The following ARPP19 variants were observed in gnomAD, a reference collection of about 807,000 sequenced individuals.
The protein encoded by ARPP19 is cAMP-regulated phosphoprotein 19.
In ARPP19, 8 loss-of-function variants were observed where a neutral mutation model predicts 12.0. The observed-to-expected ratio is 0.67, with a 90% CI of 0.39 to 1.21. The LOEUF (loss-of-function observed/expected upper bound fraction) is 1.21. Ranked by LOEUF, ARPP19 falls within the 50% of genes most tolerant of loss-of-function variation. The pLI is 0.01. For synonymous variants in ARPP19, 47 were observed against 50.4 expected, an observed-to-expected ratio of 0.93 and a Z score of 0.29; for missense variants, 102 against 136.3, an observed-to-expected ratio of 0.75 and a Z score of 1.25.
rs2078116233 is a variant in ARPP19 at position 52,569,006 on chromosome 15, G to A, written c.-114C>T. The stretch of plus-strand genomic sequence containing the variant: ...AGGGCCCGCCGGGCCGCCTCCGCCC[G>A]CGAAAATGGCCGCCGCCTTATGACG... On this transcript the variant is annotated 5_prime_UTR_variant, in exon 1 of 3. Transcript: ENST00000249822. The A allele has an allele frequency of 1.4e-6, 1 of 722,960 alleles. No homozygotes were observed. 44.8% of individuals were successfully genotyped at this position (722,960 alleles called of 1,614,324 possible).
chr15:52,563,664 A>C (rs1014921358), intron 1 of ARPP19, among the ~76,000 whole-genome samples: 7 of 152,224 alleles, frequency 4.6e-5, no homozygotes, highest in African/African-American at 1.7e-4. Context: ...GACTGATACC[A>C]CTTTTCAGCC....
At chr15:52,557,579 T>C (rs1034788955) in intron 1 of ARPP19, 1 of 161,966 alleles carries the variant, frequency 6.2e-6, no homozygotes, top group South Asian at 1.8e-4. Flanking sequence ...TAGAGAATCA[T>C]CCTAATACTG....
intron 2 of ARPP19, among the ~76,000 whole-genome samples, chr15:52,553,602 G>T (rs1280301353): frequency 6.6e-6 from 1 of 152,208 alleles, no homozygotes; most frequent in African/African-American, 2.4e-5. Context: ...AGCACACACA[G>T]TGCTATATGG....
rs1249569998 is a variant in ARPP19 at position 52,547,048 on chromosome 15, C to A, written c.*4886G>T. The A allele has an allele frequency of 1.4e-5, 2 of 143,968 alleles. No homozygotes were observed. The highest frequency in any genetic ancestry group is 7.1e-5 in the Admixed American group (1 of 14,008). The allele number at this position is 143,968 out of a possible 1,614,324, so 8.9% of individuals were successfully genotyped here. On this transcript the variant is annotated 3_prime_UTR_variant, in exon 3 of 3. Coordinates refer to ENST00000249822, the MANE Select transcript of ARPP19 (RefSeq NM_006628.6). ...TCACAAATAAGATGAAAAAGACTCA[C>A]AATCTGCAAACATTTAATCCTACCT... is the stretch of plus-strand genomic sequence containing the variant.
intron 1 of ARPP19, among the ~76,000 whole-genome samples, chr15:52,566,057 T>C (rs2078079004): frequency 6.6e-6 from 1 of 152,186 alleles, no homozygotes; most frequent in Non-Finnish European, 1.5e-5. Context: ...GGTTTCCCCA[T>C]ATTGGCCAGG....
At chr15:52,565,376 T>C (rs1338870783) in intron 1 of ARPP19, among the ~76,000 whole-genome samples, 1 of 152,202 alleles carries the variant, frequency 6.6e-6, no homozygotes, top group South Asian at 2.1e-4. Flanking sequence ...CCAGGACTAG[T>C]ACACATGCCT....
In ARPP19 at chr15:52,547,248, G is replaced by A. The variant is rs1282975028; in HGVS notation, c.*4686C>T. ...TGCAAATTAAATCAATAGAAATTAG[G>A]TAGATCCATTTATTTTTTAAATACA... On this transcript the variant is annotated 3_prime_UTR_variant, in exon 3 of 3. Transcript: ENST00000249822. 1 of 152,052 alleles carries A rather than the reference G, an allele frequency of 6.6e-6. No homozygotes were observed. Among genetic ancestry groups the A allele is most frequent in the Admixed American group, 6.5e-5 (1 of 15,272 alleles). The allele number at this position is 152,052 out of a possible 1,614,324, so 9.4% of individuals were successfully genotyped here.
At chr15:52,552,314 A>T (rs187275638) in intron 2 of ARPP19, among the ~76,000 whole-genome samples, 39 of 152,300 alleles carry the variant, frequency 2.6e-4, no homozygotes, top group African/African-American at 8.9e-4. Context: ...TCACTCTTGA[A>T]ATCCCAACAC....
At chr15:52,557,718 GTT>G (rs1176865985) in intron 1 of ARPP19, 2 of 151,512 alleles carry the variant, frequency 1.3e-5, no homozygotes, top group African/African-American at 2.4e-5. Flanking sequence ...CCTGATATTT[GTT>G]TTTTTATAAT....
intron 1 of ARPP19, among the ~76,000 whole-genome samples, chr15:52,567,686 A>G (rs1432130410): frequency 6.6e-6 from 1 of 152,132 alleles, no homozygotes; most frequent in Non-Finnish European, 1.5e-5. Flanking sequence ...GGTAACTTGG[A>G]CTTTTACCTA....
At chr15:52,562,999 C>A (rs1158879911) in intron 1 of ARPP19, among the ~76,000 whole-genome samples, 1 of 151,538 alleles carries the variant, frequency 6.6e-6, no homozygotes, top group African/African-American at 2.4e-5. Context: ...CCTCAGCCTC[C>A]CGAGTAGCTG....
intron 1 of ARPP19, among the ~76,000 whole-genome samples, chr15:52,558,056 C>G (rs1175530869): frequency 6.6e-6 from 1 of 152,194 alleles, no homozygotes; most frequent in African/African-American, 2.4e-5. Flanking sequence ...CATCTATTCA[C>G]TTTGAACAAC....
chr15:52,567,286 C>A (rs1277359764), intron 1 of ARPP19, among the ~76,000 whole-genome samples: 1 of 152,152 alleles, frequency 6.6e-6, no homozygotes, highest in East Asian at 1.9e-4. Context: ...TAAGAGAAAA[C>A]GTTCAAGCTA....
intron 1 of ARPP19, among the ~76,000 whole-genome samples, chr15:52,562,712 A>G (rs1257639625): frequency 1.3e-5 from 2 of 152,198 alleles, no homozygotes; most frequent in African/African-American, 2.4e-5. Context: ...TATATCAGAG[A>G]AGAAAGCTAA....
chr15:52,552,632 G>C lies in ARPP19; in HGVS notation c.169-528C>G, dbSNP rs148474471. On this transcript the variant is annotated intron_variant, in intron 2 of 2. Transcript: ENST00000249822. ...AAAGAACCTGCCTTCAGGCTTTCTT[G>C]AACCATTCTGGTTCTAATAAAGAAC... is the stretch of plus-strand genomic sequence containing the variant. 1.4e-3 allele frequency among the ~76,000 whole-genome samples: 195 copies of C among 140,648 alleles called. 1 individual carries two copies. Among genetic ancestry groups the C allele is most frequent in the African/African-American group, 4.9e-3 (190 of 38,542 alleles). 92.3% of individuals were successfully genotyped at this position (140,648 alleles called of 152,430 possible).
chr15:52,565,659 T>G (rs780260197), intron 1 of ARPP19, among the ~76,000 whole-genome samples: 2 of 152,306 alleles, frequency 1.3e-5, no homozygotes, highest in African/African-American at 4.8e-5. Flanking sequence ...AGTGACCTCA[T>G]AGTTTACTCT....
At chr15:52,565,239 G>A (rs1348891611) in intron 1 of ARPP19, among the ~76,000 whole-genome samples, 1 of 151,766 alleles carries the variant, frequency 6.6e-6, no homozygotes. Context: ...TGCCCAGGCC[G>A]GTCTCAAACT....
At chr15:52,565,889 C>G (rs2078076625) in intron 1 of ARPP19, among the ~76,000 whole-genome samples, 1 of 152,226 alleles carries the variant, frequency 6.6e-6, no homozygotes, top group South Asian at 2.1e-4. Flanking sequence ...CAGTCTCACT[C>G]TGTTGCCCAG....
At chr15:52,559,943 C>G (rs935501592) in intron 1 of ARPP19, among the ~76,000 whole-genome samples, 1 of 152,188 alleles carries the variant, frequency 6.6e-6, no homozygotes, top group East Asian at 1.9e-4. Flanking sequence ...TGGAGTCCTA[C>G]ATTTCCAATA....
Sources: allele counts gnomAD v4.1 joint callset (sites outside exome capture counted in the v4.1 genomes callset), GRCh38; gene constraint gnomAD v4.1.1; transcripts MANE v1.5; gene names NCBI Gene and HGNC (gene_info 2026-07-23, HGNC 2026-07-21).